The following PRH1 variants were observed in gnomAD, a reference collection of about 807,000 sequenced individuals.
The protein encoded by PRH1 is proline rich protein HaeIII subfamily 1.
A neutral mutation model predicts 7.9 loss-of-function variants in PRH1; 7 were observed. That is an observed-to-expected ratio of 0.89 (90% CI 0.50 to 1.67). The LOEUF is 1.67. Ranked by LOEUF, PRH1 falls within the 40% of genes most tolerant of loss-of-function variation. The pLI, the probability that PRH1 is intolerant of heterozygous loss-of-function variation, is 0.00. For missense variants in PRH1, 109 were observed against 223.6 expected (o/e 0.49, Z 3.27); for synonymous variants, 45 against 80.8 (o/e 0.56, Z 2.38).
intron 2 of PRH1, among the ~76,000 whole-genome samples, chr12:10,933,327 T>G (rs1424424281): frequency 6.6e-6 from 1 of 151,982 alleles, no homozygotes; most frequent in African/African-American, 2.4e-5. Flanking sequence ...GAGAATTCAC[T>G]CCTCCCAAAA....
chr12:11,060,255 C>G (rs1459433385), intron 1 of PRH1, among the ~76,000 whole-genome samples: 1 of 151,836 alleles, frequency 6.6e-6, no homozygotes, highest in African/African-American at 2.4e-5. Flanking sequence ...TCATTGACAA[C>G]AAAATTATAA....
At chr12:11,015,465 T>G (rs1467921623) in intron 1 of PRH1, among the ~76,000 whole-genome samples, 1 of 152,146 alleles carries the variant, frequency 6.6e-6, no homozygotes. Flanking sequence ...TTCCGCCTTA[T>G]GCCCCTCAGT....
chr12:11,030,076 C>T (rs942567363), intron 1 of PRH1, among the ~76,000 whole-genome samples: 4 of 150,536 alleles, frequency 2.7e-5, no homozygotes, highest in African/African-American at 9.7e-5. Context: ...ATAAATTCTA[C>T]AAATGAAATA....
intron 2 of PRH1, chr12:10,939,329 A>T: frequency 1.6e-6 from 1 of 610,714 alleles, no homozygotes; most frequent in Non-Finnish European, 2.7e-6. Flanking sequence ...TTAAAAAGGG[A>T]ATGTTAAACC....
At chr12:11,118,472 G>A (rs1461850418), downstream of PRH1, among the ~76,000 whole-genome samples, 1 of 150,196 alleles carries the variant, frequency 6.7e-6, no homozygotes, top group African/African-American at 2.4e-5. Flanking sequence ...ACCGCAGGTG[G>A]GAATATAAAT....
intron 1 of PRH1, among the ~76,000 whole-genome samples, chr12:11,029,636 T>C (rs1039178282): frequency 3.3e-5 from 5 of 152,258 alleles, no homozygotes; most frequent in African/African-American, 1.2e-4. Context: ...TCTAACTGCA[T>C]ATGCATAACT....
At chr12:11,008,852 A>G (rs1462127915) in intron 1 of PRH1, among the ~76,000 whole-genome samples, 1 of 152,032 alleles carries the variant, frequency 6.6e-6, no homozygotes, top group Non-Finnish European at 1.5e-5. Context: ...TACATTTGCT[A>G]CAATTCCTTT....
intron 1 of PRH1, among the ~76,000 whole-genome samples, chr12:11,151,225 C>T (rs1947070517): frequency 6.6e-6 from 1 of 151,782 alleles, no homozygotes; most frequent in South Asian, 2.1e-4. Flanking sequence ...CACAAATGCA[C>T]ACGAAGTTGC....
In PRH1 at chr12:10,922,823, T is replaced by A. The variant is rs1035189525; in HGVS notation, c.-58-38548A>T. On this transcript the variant is annotated intron_variant, in intron 2 of 3. Transcript: ENST00000539853. ...TTATTGCATCTTTTCCATGAATTTT[T>A]TCTTTTTCTTTTTTTTGAGACGGAG... Among the ~76,000 whole-genome samples, 4 of 5,542 alleles carry A rather than the reference T, an allele frequency of 7.2e-4. No individual in the cohort carries two copies. In the Admixed American group the frequency reaches 0.017, roughly 23 times the overall value. The allele number at this position is 5,542 out of a possible 152,430, so 3.6% of individuals were successfully genotyped here.
intron 2 of PRH1, among the ~76,000 whole-genome samples, chr12:10,904,909 C>A (rs1949780686): frequency 6.6e-6 from 1 of 151,466 alleles, no homozygotes; most frequent in Non-Finnish European, 1.5e-5. Flanking sequence ...GAGCAGCCAA[C>A]AAATATTTTA....
intron 1 of PRH1, among the ~76,000 whole-genome samples, chr12:10,883,674 T>C (rs537703072): frequency 6.6e-6 from 1 of 152,318 alleles, no homozygotes; most frequent in African/African-American, 2.4e-5. Flanking sequence ...AAAATGACAA[T>C]GTTTCACTCT....
chr12:10,995,499 A>T (rs1479550087), intron 1 of PRH1, among the ~76,000 whole-genome samples: 1 of 152,150 alleles, frequency 6.6e-6, no homozygotes, highest in Non-Finnish European at 1.5e-5. Context: ...ATGTCAACAC[A>T]CTTTCTCTCA....
Position 11,087,664 on chromosome 12 carries a change from T to C in PRH1, n.124-40476A>G, listed in dbSNP as rs143936752. On this transcript the variant is annotated intron_variant and non_coding_transcript_variant, in intron 1 of 4. Coordinates refer to the PRH1 transcript ENST00000541977. The stretch of plus-strand genomic sequence containing the variant: ...AACCGCATTCCCTAAGGAATGGAAC[T>C]GGTCACTGCCATGACAAAACACTTG... Among the ~76,000 whole-genome samples, 440 of 117,426 alleles carry C rather than the reference T, an allele frequency of 3.7e-3. 111 individuals carry two copies. The highest frequency in any genetic ancestry group is 0.012 in the African/African-American group (409 of 35,108). The allele number at this position is 117,426 out of a possible 152,430, so 77.0% of individuals were successfully genotyped here. A position where few individuals can be genotyped will look rare whatever the true frequency, so the allele number is the denominator to read the frequency against.
chr12:10,996,671 T>A (rs922724471), intron 1 of PRH1: 1 of 247,178 alleles, frequency 4.0e-6, no homozygotes, highest in Admixed American at 5.4e-5. Flanking sequence ...TTATCCTACT[T>A]TGGTATAACT....
Position 10,927,566 on chromosome 12 carries a change from G to T in PRH1, c.-58-43291C>A, listed in dbSNP as rs974412780. ...TTTCAGGGAAAATATCAGTCTGCCT[G>T]GGTCCCTTATGAGAACATTGTTGTC... On this transcript the variant is annotated intron_variant, in intron 2 of 3. Coordinates refer to the PRH1 transcript ENST00000539853. Among the ~76,000 whole-genome samples, 9 of 152,178 alleles carry T rather than the reference G, an allele frequency of 5.9e-5. No individual in the cohort carries two copies. In the South Asian group the frequency reaches 6.2e-4, roughly 11 times the overall value.
At chr12:10,955,605 AT>A (rs1411971350) in intron 2 of PRH1, among the ~76,000 whole-genome samples, 2 of 152,192 alleles carry the variant, frequency 1.3e-5, no homozygotes, top group Non-Finnish European at 2.9e-5. Context: ...GGAAATTGTG[AT>A]TAAAAAAAAC....
At chr12:10,946,286 G>A (rs947498881) in intron 2 of PRH1, among the ~76,000 whole-genome samples, 2 of 152,196 alleles carry the variant, frequency 1.3e-5, no homozygotes, top group African/African-American at 4.8e-5. Flanking sequence ...ACTAATAAAT[G>A]TCCATGAAAT....
intron 2 of PRH1, among the ~76,000 whole-genome samples, chr12:10,959,938 C>G (rs1230923680): frequency 1.3e-5 from 2 of 152,092 alleles, no homozygotes; most frequent in Non-Finnish European, 2.9e-5. Context: ...AGAAGAGGTG[C>G]CCAGTGAACA....
intron 2 of PRH1, among the ~76,000 whole-genome samples, chr12:10,933,645 T>C (rs999400181): frequency 6.6e-6 from 1 of 152,082 alleles, no homozygotes; most frequent in African/African-American, 2.4e-5. Flanking sequence ...TTGTCTTTGA[T>C]AATATTTAAT....
Sources: allele counts gnomAD v4.1 joint callset (sites outside exome capture counted in the v4.1 genomes callset), GRCh38; gene constraint gnomAD v4.1.1; transcripts MANE v1.5; gene names NCBI Gene and HGNC (gene_info 2026-07-23, HGNC 2026-07-21).